DLG2: variants seen among roughly 807,000 people sequenced by gnomAD.
DLG2 encodes disks large homolog 2.
In DLG2, 45 loss-of-function variants were observed where a neutral mutation model predicts 132.5. That is an observed-to-expected ratio of 0.34 (90% CI 0.27 to 0.44). DLG2 has a LOEUF of 0.44. Among genes scored for constraint, DLG2 ranks in the 20% least tolerant of loss-of-function variants. The pLI is 1.00. For missense variants in DLG2, 1,045 were observed against 1,196.9 expected (o/e 0.87, Z 1.87); for synonymous variants, 424 against 419.6 (o/e 1.01, Z -0.13).
At chr11:84,801,180 A>T (rs2075324583) in intron 6 of DLG2, among the ~76,000 whole-genome samples, 1 of 152,210 alleles carries the variant, frequency 6.6e-6, no homozygotes, top group South Asian at 2.1e-4. Context: ...ACTTCACAGT[A>T]TGTATGAGTT....
At chr11:84,081,428 T>C (rs2096901409) in intron 10 of DLG2, among the ~76,000 whole-genome samples, 2 of 106,836 alleles carry the variant, frequency 1.9e-5, no homozygotes, top group Non-Finnish European at 2.2e-5. Flanking sequence ...GTCTATAATT[T>C]ACAAAGAAAA....
At chr11:85,028,592 G>T (rs573513026) in intron 6 of DLG2, among the ~76,000 whole-genome samples, 1 of 152,144 alleles carries the variant, frequency 6.6e-6, no homozygotes, top group African/African-American at 2.4e-5. Context: ...CAGAGGGCTG[G>T]CCTGTCAGCC....
intron 19 of DLG2, among the ~76,000 whole-genome samples, chr11:83,610,701 G>A (rs1047831423): frequency 6.6e-6 from 1 of 150,986 alleles, no homozygotes; most frequent in Non-Finnish European, 1.5e-5. Flanking sequence ...AATAAATAAT[G>A]ACTACCATTT....
intron 9 of DLG2, among the ~76,000 whole-genome samples, chr11:84,154,530 G>C (rs1432526173): frequency 6.6e-6 from 1 of 152,076 alleles, no homozygotes; most frequent in Admixed American, 6.6e-5. Context: ...TTAAGTTCTA[G>C]GGTACATGTG....
chr11:85,189,477 T>A (rs2080364891), intron 4 of DLG2, among the ~76,000 whole-genome samples: 1 of 152,108 alleles, frequency 6.6e-6, no homozygotes, highest in African/African-American at 2.4e-5. Flanking sequence ...TTATGCTGAG[T>A]GAAAGAAGCT....
At chr11:84,316,879 T>C (rs752355023) in intron 7 of DLG2, 1 of 1,612,834 alleles carries the variant, frequency 6.2e-7, no homozygotes, top group Non-Finnish European at 8.5e-7. Context: ...CACAAGTCCC[T>C]TTGCCCTTGG....
intron 19 of DLG2, among the ~76,000 whole-genome samples, chr11:83,581,995 T>C (rs1452897770): frequency 1.4e-5 from 2 of 138,056 alleles, no homozygotes; most frequent in Non-Finnish European, 3.1e-5. Flanking sequence ...TCACTCTGGT[T>C]GCGCAGGCTG....
chr11:84,319,516 C>G (rs531389714), intron 7 of DLG2, among the ~76,000 whole-genome samples: 1 of 152,278 alleles, frequency 6.6e-6, no homozygotes, highest in South Asian at 2.1e-4. Context: ...ATTTGCCTCT[C>G]AAGTATAAGA....
chr11:85,481,939 C>T (rs2093303998), intron 3 of DLG2, among the ~76,000 whole-genome samples: 3 of 152,146 alleles, frequency 2.0e-5, no homozygotes, highest in Non-Finnish European at 4.4e-5. Flanking sequence ...TAGGATCCTG[C>T]AGCCCCAGGG....
At chr11:85,076,212 A>G (rs2066524755) in intron 6 of DLG2, among the ~76,000 whole-genome samples, 1 of 151,996 alleles carries the variant, frequency 6.6e-6, no homozygotes, top group Non-Finnish European at 1.5e-5. Context: ...TTGAAATTCC[A>G]TTCCACATAT....
chr11:85,102,014 G>A (rs117439648), intron 6 of DLG2, among the ~76,000 whole-genome samples: 8 of 152,094 alleles, frequency 5.3e-5, no homozygotes, highest in Non-Finnish European at 8.8e-5. Context: ...TTTTGTGGCT[G>A]CCAAGATGGT....
rs148545431 is a variant in DLG2 at position 83,871,728 on chromosome 11, C to T, written c.1565+2692G>A. On this transcript the variant is annotated intron_variant, in intron 16 of 27. Transcript: ENST00000376104. The stretch of plus-strand genomic sequence containing the variant: ...TTGTAGAGGATTACTGAGACTTCGC[C>T]TTCTAAATATTTCAGTAATGCTAAG... Among the ~76,000 whole-genome samples the T allele has an allele frequency of 6.5e-3, 993 of 152,254 alleles. 20 individuals are homozygous for T. In the South Asian group the frequency reaches 0.072, roughly 11 times the overall value.
intron 11 of DLG2, among the ~76,000 whole-genome samples, chr11:84,002,964 G>A (rs368433634): frequency 1.6e-4 from 25 of 152,202 alleles, no homozygotes; most frequent in East Asian, 7.7e-4. Flanking sequence ...TTGTGAATGC[G>A]TAAAACTCAA....
intron 13 of DLG2, among the ~76,000 whole-genome samples, chr11:83,964,830 A>AATTTACTTT (rs2089820081): frequency 6.6e-6 from 1 of 151,924 alleles, no homozygotes; most frequent in Admixed American, 6.6e-5. Flanking sequence ...TTGCCAATAT[A>AATTTACTTT]ACAAATTCAA....
rs1277703004 is a variant in DLG2 at position 84,934,520 on chromosome 11, G to GTTT, written c.357+177138_357+177140dup. Among the ~76,000 whole-genome samples the GTTT allele has an allele frequency of 9.5e-4, 37 of 39,126 alleles. 1 individual carries two copies. Among genetic ancestry groups the GTTT allele is most frequent in the Admixed American group, 1.4e-3 (4 of 2,818 alleles). 25.7% of individuals were successfully genotyped at this position (39,126 alleles called of 152,430 possible). ...GTCCTGGGTGTTTTTTTTTTGTTTT[G>GTTT]TTTTGTTTTTTTTTTTTTTTTTTTT... On this transcript the variant is annotated intron_variant, in intron 6 of 27. Transcript: ENST00000376104.
At chr11:84,155,966 C>T (rs1289198934) in intron 9 of DLG2, among the ~76,000 whole-genome samples, 4 of 151,988 alleles carry the variant, frequency 2.6e-5, no homozygotes, top group Admixed American at 2.6e-4. Context: ...TGCAATATTG[C>T]ACATACATAG....
intron 19 of DLG2, among the ~76,000 whole-genome samples, chr11:83,627,781 A>C (rs1427298803): frequency 2.0e-5 from 3 of 152,180 alleles, no homozygotes; most frequent in Non-Finnish European, 4.4e-5. Flanking sequence ...TCCCTGAGGA[A>C]TCGCCACACT....
rs147548176 is a variant in DLG2 at position 85,288,853 on chromosome 11, C to T, written c.41-3488G>A. ...AGTTTCATGAGCAGTATTTGCAAGT[C>T]ACCAAAATTTGAAATACTACGTGTA... On this transcript the variant is annotated intron_variant, in intron 3 of 27. Transcript: ENST00000376104. 5.0e-3 allele frequency among the ~76,000 whole-genome samples: 763 copies of T among 152,106 alleles called. 7 individuals carry two copies. Among genetic ancestry groups the T allele is most frequent in the African/African-American group, 0.018 (729 of 41,500 alleles).
intron 6 of DLG2, among the ~76,000 whole-genome samples, chr11:85,101,972 A>G (rs1594199607): frequency 6.6e-6 from 1 of 152,014 alleles, no homozygotes; most frequent in Non-Finnish European, 1.5e-5. Flanking sequence ...AGCAGTTCCA[A>G]CAGTACTGTG....
Sources: allele counts gnomAD v4.1 joint callset (sites outside exome capture counted in the v4.1 genomes callset), GRCh38; gene constraint gnomAD v4.1.1; transcripts MANE v1.5; gene names NCBI Gene and HGNC (gene_info 2026-07-23, HGNC 2026-07-21).